Variants in IGSF11 observed in about 807,000 individuals in gnomAD.
IGSF11 encodes the protein CXADR like 1.
In IGSF11, 22 loss-of-function variants were observed where a neutral mutation model predicts 41.0. The ratio of observed to expected loss-of-function variants is 0.54; its 90% CI spans 0.38 to 0.77. The LOEUF (loss-of-function observed/expected upper bound fraction) is 0.77, where lower values mean the gene tolerates loss of function less well. Among genes scored for constraint, IGSF11 ranks in the 30% least tolerant of loss-of-function variants. IGSF11 has a pLI of 0.00. For missense variants in IGSF11, 444 were observed against 530.8 expected (o/e 0.84, Z 1.61); for synonymous variants, 219 against 201.3 (o/e 1.09, Z -0.74).
chr3:118,978,423 C>CCA (rs1209252064), intron 1 of IGSF11, among the ~76,000 whole-genome samples: 1 of 152,154 alleles, frequency 6.6e-6, no homozygotes, highest in Non-Finnish European at 1.5e-5. Context: ...ACTCTTCCAC[C>CCA]CACACAGCCC....
chr3:119,089,870 C>G (rs1284671956), intron 1 of IGSF11, among the ~76,000 whole-genome samples: 2 of 152,012 alleles, frequency 1.3e-5, no homozygotes, highest in South Asian at 2.1e-4. Context: ...ACTAAAAATA[C>G]AAAAATTAGC....
intron 1 of IGSF11, among the ~76,000 whole-genome samples, chr3:119,071,515 G>A (rs760183120): frequency 2.6e-5 from 4 of 152,052 alleles, no homozygotes; most frequent in South Asian, 2.1e-4. Flanking sequence ...GTGTGAGGTA[G>A]GGGTCCAACT....
intron 1 of IGSF11, among the ~76,000 whole-genome samples, chr3:119,055,499 A>G (rs1281363638): frequency 6.6e-6 from 1 of 152,166 alleles, no homozygotes. Flanking sequence ...AAAGAGACTT[A>G]GAATCCTACA....
upstream of IGSF11, among the ~76,000 whole-genome samples, chr3:119,109,283 T>G (rs1024830934): frequency 1.3e-5 from 2 of 151,150 alleles, no homozygotes; most frequent in African/African-American, 4.9e-5. Flanking sequence ...TATTGGTCTA[T>G]TCAGAGATTC....
At chr3:118,972,533 G>A (rs1312588054) in intron 1 of IGSF11, among the ~76,000 whole-genome samples, 2 of 152,084 alleles carry the variant, frequency 1.3e-5, no homozygotes, top group African/African-American at 4.8e-5. Flanking sequence ...GTTGCTGAAT[G>A]GATGATTTTG....
intron 1 of IGSF11, among the ~76,000 whole-genome samples, chr3:118,978,286 G>A (rs1934342358): frequency 6.6e-6 from 1 of 152,052 alleles, no homozygotes; most frequent in South Asian, 2.1e-4. Context: ...GCTACCTGCA[G>A]GTCTTCAGCC....
intron 1 of IGSF11, among the ~76,000 whole-genome samples, chr3:119,048,658 T>C (rs1031036704): frequency 1.3e-5 from 2 of 151,984 alleles, no homozygotes; most frequent in African/African-American, 4.8e-5. Flanking sequence ...GAGGCCAGCA[T>C]CATTCTGATA....
chr3:119,038,305 A>G (rs916004972), upstream of IGSF11, among the ~76,000 whole-genome samples: 26 of 152,202 alleles, frequency 1.7e-4, no homozygotes, highest in African/African-American at 6.0e-4. Context: ...TTAACTCATA[A>G]CGTAGATATA....
chr3:118,930,054 C>T, intron 2 of IGSF11, 58 bp downstream of exon 2: 6 of 1,527,604 alleles, frequency 3.9e-6, no homozygotes, highest in Non-Finnish European at 5.3e-6. Context: ...TGCTTCCCTA[C>T]CAACCTCCTC....
chr3:119,049,638 GA>G (rs1357890260), intron 1 of IGSF11, among the ~76,000 whole-genome samples: 4 of 151,952 alleles, frequency 2.6e-5, no homozygotes, highest in Non-Finnish European at 5.9e-5. Context: ...CACAGAATTG[GA>G]AAAAACTACT....
intron 1 of IGSF11, among the ~76,000 whole-genome samples, chr3:119,043,130 A>G (rs1161008736): frequency 6.6e-6 from 1 of 152,226 alleles, no homozygotes; most frequent in Non-Finnish European, 1.5e-5. Flanking sequence ...GCACTTAGCT[A>G]TGCAGGAACA....
intron 1 of IGSF11, among the ~76,000 whole-genome samples, chr3:118,994,939 C>T (rs1936125865): frequency 6.6e-6 from 1 of 151,968 alleles, no homozygotes. Flanking sequence ...GGAAAGCAGG[C>T]CACAGTCAAG....
chr3:119,142,138 G>A (rs896829956), intron 1 of IGSF11, among the ~76,000 whole-genome samples: 22 of 152,020 alleles, frequency 1.4e-4, no homozygotes, highest in African/African-American at 5.3e-4. Context: ...AGCTGGGCAT[G>A]GTGGCGGGCA....
chr3:118,927,001 A>G (rs1281498575), intron 3 of IGSF11, among the ~76,000 whole-genome samples: 2 of 152,170 alleles, frequency 1.3e-5, no homozygotes. Flanking sequence ...TGTAATGCTA[A>G]TGACTTTTCA....
At chr3:119,044,994 T>C (rs1260211527) in intron 1 of IGSF11, among the ~76,000 whole-genome samples, 1 of 151,762 alleles carries the variant, frequency 6.6e-6, no homozygotes, top group Non-Finnish European at 1.5e-5. Context: ...AATAACACAG[T>C]TAAAAAAAGG....
intron 1 of IGSF11, among the ~76,000 whole-genome samples, chr3:119,008,353 AAAT>A (rs1464371745): frequency 6.6e-6 from 1 of 152,226 alleles, no homozygotes; most frequent in African/African-American, 2.4e-5. Context: ...TCTCCAAACC[AAAT>A]AATAAAGTTC....
chr3:118,909,712 A>C (rs144162593), intron 4 of IGSF11, among the ~76,000 whole-genome samples: 23 of 152,366 alleles, frequency 1.5e-4, no homozygotes, highest in African/African-American at 5.5e-4. Flanking sequence ...ACAATGATAA[A>C]AATATTTTGT....
At chr3:119,053,526 C>T (rs1208907244) in intron 1 of IGSF11, among the ~76,000 whole-genome samples, 4 of 152,120 alleles carry the variant, frequency 2.6e-5, no homozygotes, top group Non-Finnish European at 4.4e-5. Context: ...GTGACACAAA[C>T]AAATGGAAAC....
chr3:118,977,910 G>T (rs1934297941), intron 1 of IGSF11, among the ~76,000 whole-genome samples: 1 of 152,152 alleles, frequency 6.6e-6, no homozygotes, highest in Non-Finnish European at 1.5e-5. Flanking sequence ...CCCAGGTCAA[G>T]AGTCTAGAGC....
Sources: gnomAD v4.1 joint callset for allele counts (sites outside exome capture counted in the v4.1 genomes callset) on GRCh38, gnomAD v4.1.1 for gene constraint, MANE v1.5 for transcripts, NCBI Gene and HGNC (gene_info 2026-07-23, HGNC 2026-07-21) for gene names.